The following TDRP variants were observed in gnomAD, a reference collection of about 807,000 sequenced individuals.
The protein encoded by TDRP is testis development related protein.
Under a neutral mutation model 10.5 loss-of-function variants are expected in TDRP, and 12 were observed. That is an observed-to-expected ratio of 1.15 (90% CI 0.73 to 1.86). The LOEUF (loss-of-function observed/expected upper bound fraction) is 1.86. TDRP is among the 40% of genes most tolerant of loss of function. The pLI is 0.00. For synonymous variants in TDRP, 139 were observed against 95.4 expected (o/e 1.46, Z -2.67); for missense variants, 353 against 229.2 (o/e 1.54, Z -3.49).
intron 1 of TDRP, among the ~76,000 whole-genome samples, chr8:495,827 C>T (rs1357910946): frequency 2.0e-5 from 3 of 152,160 alleles, no homozygotes; most frequent in Non-Finnish European, 2.9e-5. Flanking sequence ...CTGGGGGTCT[C>T]CAGGGTGTAA....
At chr8:528,056 C>G (rs551955557) in intron 1 of TDRP, among the ~76,000 whole-genome samples, 3 of 152,172 alleles carry the variant, frequency 2.0e-5, no homozygotes, top group African/African-American at 7.2e-5. Flanking sequence ...TCAAACACAT[C>G]TATAGGAAAA....
At chr8:544,492 C>A (rs1802582886) in intron 1 of TDRP, among the ~76,000 whole-genome samples, 158 bp downstream of exon 1, 1 of 152,098 alleles carries the variant, frequency 6.6e-6, no homozygotes. Flanking sequence ...ACTCGGGCAC[C>A]TAGCGGGCCG....
At chr8:499,753 C>A (rs575013386) in intron 1 of TDRP, among the ~76,000 whole-genome samples, 4 of 152,222 alleles carry the variant, frequency 2.6e-5, no homozygotes, top group South Asian at 2.1e-4. Context: ...GAGCATCCCC[C>A]GGGAAGGACA....
In TDRP at chr8:493,625, G is replaced by A. The variant is rs144630769; in HGVS notation, c.212+869C>T. On this transcript the variant is annotated intron_variant, in intron 2 of 2. Coordinates refer to ENST00000324079, the MANE Select transcript of TDRP (RefSeq NM_001384899.1). The stretch of plus-strand genomic sequence containing the variant: ...TTGGTAATATCATTGGGTAGTCACT[G>A]AACTTACATTTTCAACTTTACACTT... Among the ~76,000 whole-genome samples the A allele has an allele frequency of 2.0e-3, 300 of 152,366 alleles. 6 individuals are homozygous for A. The highest frequency in any genetic ancestry group is 6.8e-3 in the African/African-American group (282 of 41,586).
At chr8:497,077 G>A (rs543261350) in intron 1 of TDRP, among the ~76,000 whole-genome samples, 2 of 152,290 alleles carry the variant, frequency 1.3e-5, no homozygotes, top group South Asian at 2.1e-4. Flanking sequence ...ACAGAGAATT[G>A]GTACGAGAGG....
Position 494,535 on chromosome 8 carries a change from C to T in TDRP, c.171G>A (p.Glu57=), listed in dbSNP as rs763880898. ...ATTTACATCTTTCCAGGAGATGCTG[C>T]TCATCATCTTTGTTAAACAGTGAAG... is the stretch of plus-strand genomic sequence containing the variant. ...EVTSLFNKDD[E]QHLLERCKSP... The change falls in exon 2 of 3, where the codon GAG becomes GAA. Residue 57 remains glutamate (E), a synonymous_variant. Coordinates refer to ENST00000324079, the MANE Select transcript of TDRP (RefSeq NM_001384899.1). The T allele has an allele frequency of 9.9e-6, 16 of 1,613,818 alleles. No individual in the cohort carries two copies. Among genetic ancestry groups the T allele is most frequent in the South Asian group, 3.3e-5 (3 of 91,080 alleles).
chr8:542,478 T>C (rs1254409845), intron 1 of TDRP, among the ~76,000 whole-genome samples: 4 of 152,016 alleles, frequency 2.6e-5, no homozygotes, highest in African/African-American at 9.7e-5. Flanking sequence ...CTCTGTACTT[T>C]CTCCTCAAAT....
intron 1 of TDRP, among the ~76,000 whole-genome samples, chr8:524,848 T>C (rs928248076): frequency 6.6e-6 from 1 of 152,150 alleles, no homozygotes; most frequent in African/African-American, 2.4e-5. Flanking sequence ...CTAGGAGTTA[T>C]TGGCCTTAAA....
At chr8:510,921 G>C (rs1034447867) in intron 1 of TDRP, among the ~76,000 whole-genome samples, 24 of 152,170 alleles carry the variant, frequency 1.6e-4, no homozygotes, top group African/African-American at 5.8e-4. Flanking sequence ...AATGTAATGT[G>C]TATGTAATAT....
chr8:541,430 A>T (rs368838368), intron 1 of TDRP, among the ~76,000 whole-genome samples: 2 of 152,366 alleles, frequency 1.3e-5, no homozygotes, highest in South Asian at 4.1e-4. Context: ...ATTAAAATTA[A>T]AAACTTCTGC....
chr8:527,569 TG>T (rs952485628), intron 1 of TDRP, among the ~76,000 whole-genome samples: 1 of 151,936 alleles, frequency 6.6e-6, no homozygotes, highest in African/African-American at 2.4e-5. Flanking sequence ...CATAGGCCAA[TG>T]AAAGAGAATA....
At chr8:530,869 A>C (rs1021263703) in intron 1 of TDRP, among the ~76,000 whole-genome samples, 1 of 152,164 alleles carries the variant, frequency 6.6e-6, no homozygotes, top group Admixed American at 6.5e-5. Flanking sequence ...ATAAGCCAAG[A>C]ACCACACGCT....
At position 491,936 on chromosome 8, in the gene TDRP, T is replaced by C. The variant is rs1445796484; in HGVS notation, c.*463A>G. On this transcript the variant is annotated 3_prime_UTR_variant, in exon 3 of 3. Transcript: ENST00000324079. The stretch of plus-strand genomic sequence containing the variant: ...TTGTCAAGTTAAACAAAATTTAACA[T>C]AACTTTGGAAGATTCATCTTACCTC... 2 of 1,135,294 alleles carry C rather than the reference T, an allele frequency of 1.8e-6. No homozygotes were observed. The highest frequency in any genetic ancestry group is 9.9e-5 in the East Asian group (2 of 20,220). 70.3% of individuals were successfully genotyped at this position (1,135,294 alleles called of 1,614,324 possible).
chr8:520,066 CAT>C (rs1176172382), intron 1 of TDRP, among the ~76,000 whole-genome samples: 1 of 152,196 alleles, frequency 6.6e-6, no homozygotes, highest in Non-Finnish European at 1.5e-5. Context: ...AAAGGAAACA[CAT>C]AGGCAGTTTT....
intron 1 of TDRP, among the ~76,000 whole-genome samples, chr8:497,860 T>C (rs1239873857): frequency 2.6e-5 from 4 of 152,188 alleles, no homozygotes; most frequent in Non-Finnish European, 5.9e-5. Flanking sequence ...CCTCCCGCAG[T>C]GGCTAAATGG....
upstream of TDRP, chr8:545,571 G>A (rs1026378403): frequency 1.3e-5 from 2 of 152,432 alleles, no homozygotes; most frequent in African/African-American, 4.8e-5. Flanking sequence ...GCAAGGCTGA[G>A]GGGAAGGTGG....
intron 1 of TDRP, among the ~76,000 whole-genome samples, chr8:521,047 G>C (rs1801888837): frequency 2.0e-5 from 3 of 151,912 alleles, no homozygotes; most frequent in Admixed American, 6.6e-5. Flanking sequence ...TCTTCTAGGA[G>C]TTTTATAATT....
At chr8:496,433 G>A (rs776978945) in intron 1 of TDRP, among the ~76,000 whole-genome samples, 8 of 152,186 alleles carry the variant, frequency 5.3e-5, no homozygotes, top group Non-Finnish European at 8.8e-5. Flanking sequence ...CACCTACCAC[G>A]TCCCTCACTC....
At chr8:509,741 A>C (rs1159398586) in intron 1 of TDRP, among the ~76,000 whole-genome samples, 3 of 152,214 alleles carry the variant, frequency 2.0e-5, no homozygotes, top group Admixed American at 2.0e-4. Flanking sequence ...CTTGCTACTT[A>C]ACGCAAATTT....
Sources: gnomAD v4.1 joint callset for allele counts (sites outside exome capture counted in the v4.1 genomes callset) on GRCh38, gnomAD v4.1.1 for gene constraint, MANE v1.5 for transcripts, NCBI Gene and HGNC (gene_info 2026-07-23, HGNC 2026-07-21) for gene names.